Variants in MAML2 observed in about 807,000 individuals in gnomAD.
The protein encoded by MAML2 is mastermind-like protein 2.
MAML2 carries 22 observed loss-of-function variants against 96.1 expected under a neutral mutation model. The observed-to-expected ratio is 0.23, with a 90% CI of 0.16 to 0.33. The LOEUF is 0.33. MAML2 is among the 10% of genes least tolerant of loss of function. The pLI is 1.00. For synonymous variants in MAML2, 561 were observed against 521.3 expected (o/e 1.08, Z -1.04); for missense variants, 1,367 against 1,392.4 (o/e 0.98, Z 0.29).
At position 96,046,870 on chromosome 11, in the gene MAML2, C is replaced by T. The variant is rs190503230; in HGVS notation, c.2139+45022G>A. Among the ~76,000 whole-genome samples the T allele has an allele frequency of 2.0e-5, 3 of 152,304 alleles. No homozygotes were observed. The East Asian group carries it at 5.8e-4, about 29-fold the overall frequency. The stretch of plus-strand genomic sequence containing the variant: ...ACCCAGGAAGTTGACAGAGGCTTTC[C>T]TTCAGAGGCCTACACTAAAGCTCTC... On this transcript the variant is annotated intron_variant, in intron 2 of 4. Coordinates refer to ENST00000524717, the MANE Select transcript of MAML2 (RefSeq NM_032427.4).
At chr11:95,993,220 A>AG (rs1182512887) in intron 2 of MAML2, among the ~76,000 whole-genome samples, 1 of 151,974 alleles carries the variant, frequency 6.6e-6, no homozygotes, top group African/African-American at 2.4e-5. Context: ...AAAAAAAAAA[A>AG]AAATCCATCT....
chr11:96,091,422 G>A (rs113677876), intron 2 of MAML2, among the ~76,000 whole-genome samples: 2 of 152,212 alleles, frequency 1.3e-5, no homozygotes, highest in African/African-American at 4.8e-5. Context: ...TGATCATTGG[G>A]CATTTAAATA....
intron 2 of MAML2, among the ~76,000 whole-genome samples, chr11:96,058,614 C>T (rs544688277): frequency 1.4e-4 from 21 of 152,312 alleles, no homozygotes; most frequent in African/African-American, 3.8e-4. Flanking sequence ...CCATCACGTC[C>T]GGCCCAGGCA....
At chr11:96,107,985 T>C (rs914922862) in intron 1 of MAML2, among the ~76,000 whole-genome samples, 21 of 152,192 alleles carry the variant, frequency 1.4e-4, no homozygotes, top group African/African-American at 5.1e-4. Context: ...CCCTGAGTTC[T>C]ACGAGCTACT....
chr11:96,294,853 C>A (rs542696879), intron 1 of MAML2, among the ~76,000 whole-genome samples: 1 of 152,284 alleles, frequency 6.6e-6, no homozygotes, highest in Non-Finnish European at 1.5e-5. Context: ...TGTCACCAAG[C>A]TGCTAAGTGG....
chr11:96,134,871 G>A (rs141646189), intron 1 of MAML2, among the ~76,000 whole-genome samples: 3 of 152,196 alleles, frequency 2.0e-5, no homozygotes, highest in Non-Finnish European at 4.4e-5. Context: ...CCTTCTAAAA[G>A]TCGAGTTGCA....
chr11:96,251,733 C>CTT (rs5793793), intron 1 of MAML2, among the ~76,000 whole-genome samples: 6 of 134,456 alleles, frequency 4.5e-5, no homozygotes, highest in Non-Finnish European at 4.8e-5. Flanking sequence ...AATACAAACC[C>CTT]TTTTTTTTTT....
intron 1 of MAML2, among the ~76,000 whole-genome samples, chr11:96,227,116 G>A (rs544085215): frequency 1.3e-5 from 2 of 152,168 alleles, no homozygotes; most frequent in African/African-American, 4.8e-5. Context: ...TACCCAGCAA[G>A]TTCTCTCTGC....
chr11:96,266,199 G>A (rs1862823417), intron 1 of MAML2, among the ~76,000 whole-genome samples: 1 of 152,102 alleles, frequency 6.6e-6, no homozygotes, highest in African/African-American at 2.4e-5. Flanking sequence ...CACCCTGCGA[G>A]GGGGACAAAG....
intron 1 of MAML2, among the ~76,000 whole-genome samples, chr11:96,290,226 T>C (rs1863190744): frequency 6.6e-6 from 1 of 152,198 alleles, no homozygotes; most frequent in South Asian, 2.1e-4. Flanking sequence ...GGTAATAAGC[T>C]GAACTCTAAC....
chr11:96,184,030 T>C (rs1211026519), intron 1 of MAML2, among the ~76,000 whole-genome samples: 1 of 152,226 alleles, frequency 6.6e-6, no homozygotes, highest in African/African-American at 2.4e-5. Context: ...ATTTGCACTC[T>C]ACTGAACAGG....
chr11:96,068,684 G>T (rs1859286398), intron 2 of MAML2, among the ~76,000 whole-genome samples: 1 of 151,982 alleles, frequency 6.6e-6, no homozygotes, highest in Non-Finnish European at 1.5e-5. Flanking sequence ...AAAAAAATTA[G>T]CTGGGCATGG....
intron 1 of MAML2, among the ~76,000 whole-genome samples, chr11:96,171,164 G>A (rs2135900381): frequency 6.6e-6 from 1 of 152,220 alleles, no homozygotes; most frequent in African/African-American, 2.4e-5. Flanking sequence ...GGACCAGAAA[G>A]AGGATGGAGT....
chr11:96,240,219 A>C (rs1862414265), intron 1 of MAML2, among the ~76,000 whole-genome samples: 1 of 152,192 alleles, frequency 6.6e-6, no homozygotes. Context: ...TTCTTTCTCC[A>C]GGTTTTTCCT....
At chr11:96,116,610 T>G (rs1860246932) in intron 1 of MAML2, among the ~76,000 whole-genome samples, 1 of 152,214 alleles carries the variant, frequency 6.6e-6, no homozygotes, top group Non-Finnish European at 1.5e-5. Flanking sequence ...CATATGGAGC[T>G]GAACTCTCAG....
At chr11:96,121,779 G>C (rs1351218464) in intron 1 of MAML2, among the ~76,000 whole-genome samples, 14 of 40,814 alleles carry the variant, frequency 3.4e-4, no homozygotes, top group South Asian at 1.7e-3. Context: ...CCAACTGCGT[G>C]ATTTTTTTTT....
intron 1 of MAML2, among the ~76,000 whole-genome samples, chr11:96,275,279 T>TA (rs1862972346): frequency 7.1e-6 from 1 of 139,976 alleles, no homozygotes; most frequent in Non-Finnish European, 1.6e-5. Context: ...ATTTTTTTTT[T>TA]TTTTTTTTTT....
chr11:96,174,739 G>A (rs913855999), intron 1 of MAML2, among the ~76,000 whole-genome samples: 6 of 152,214 alleles, frequency 3.9e-5, no homozygotes, highest in African/African-American at 1.4e-4. Context: ...CAATCTCCTT[G>A]AGAAGAGCAA....
At position 96,202,962 on chromosome 11, in the gene MAML2, C is replaced by A. The variant is rs148249592; in HGVS notation, c.514-109445G>T. The stretch of plus-strand genomic sequence containing the variant: ...ATTTTTTACCTATAGAATGTGAGCT[C>A]CCAAAGGAAACACCTAGTAAAGTTT... On this transcript the variant is annotated intron_variant, in intron 1 of 4. Coordinates refer to ENST00000524717, the MANE Select transcript of MAML2 (RefSeq NM_032427.4). Among the ~76,000 whole-genome samples, 20 of 152,156 alleles carry A rather than the reference C, an allele frequency of 1.3e-4. No individual in the cohort carries two copies. The East Asian group carries it at 3.9e-3, about 29-fold the overall frequency.
Sources: allele counts gnomAD v4.1 joint callset (sites outside exome capture counted in the v4.1 genomes callset), GRCh38; gene constraint gnomAD v4.1.1; transcripts MANE v1.5; gene names NCBI Gene and HGNC (gene_info 2026-07-23, HGNC 2026-07-21).